The following PI4K2A variants were observed in gnomAD, a reference collection of about 807,000 sequenced individuals.
The protein encoded by PI4K2A is phosphatidylinositol 4-kinase type 2 alpha, also known as phosphatidylinositol 4-kinase type 2-alpha.
PI4K2A carries 20 observed loss-of-function variants against 55.0 expected under a neutral mutation model. The ratio of observed to expected loss-of-function variants is 0.36; its 90% CI spans 0.26 to 0.53. The LOEUF (loss-of-function observed/expected upper bound fraction) is 0.53. Among genes scored for constraint, PI4K2A ranks in the 20% least tolerant of loss-of-function variants. The pLI is 0.91. For synonymous variants in PI4K2A, 235 were observed against 258.5 expected, an observed-to-expected ratio of 0.91 and a Z score of 0.87; for missense variants, 463 against 637.1, an observed-to-expected ratio of 0.73 and a Z score of 2.94.
At chr10:97,644,207 C>T (rs534057258) in intron 1 of PI4K2A, among the ~76,000 whole-genome samples, 22 of 152,126 alleles carry the variant, frequency 1.4e-4, no homozygotes, top group African/African-American at 4.6e-4. Flanking sequence ...AAAAATTAGC[C>T]GAGCACTGTG....
chr10:97,673,666 G>T (rs770488656), exon 9 of PI4K2A: 17 of 1,613,488 alleles, frequency 1.1e-5, no homozygotes, highest in Non-Finnish European at 1.4e-5. Flanking sequence ...GAGACGGCCC[G>T]TTCCCACCAG....
chr10:97,664,858 A>G, intron 5 of PI4K2A, 27 bp from the exon 6 acceptor site: 1 of 1,518,430 alleles, frequency 6.6e-7, no homozygotes, highest in African/African-American at 1.4e-5. Flanking sequence ...GGGTTTCCTC[A>G]GTCATTAGTC....
intron 8 of PI4K2A, among the ~76,000 whole-genome samples, chr10:97,672,975 GT>G (rs1433207358): frequency 1.0e-4 from 15 of 147,252 alleles, no homozygotes; most frequent in African/African-American, 3.3e-4. Context: ...AGTGTTTTTT[GT>G]GTTTTTTTTT....
intron 4 of PI4K2A, among the ~76,000 whole-genome samples, chr10:97,661,879 G>A (rs965523652): frequency 6.8e-6 from 1 of 145,998 alleles, no homozygotes; most frequent in African/African-American, 2.6e-5. Flanking sequence ...TTGAGGCAGG[G>A]TCTCACTCTG....
intron 1 of PI4K2A, among the ~76,000 whole-genome samples, chr10:97,643,522 A>G (rs1036217266): frequency 9.2e-5 from 14 of 152,310 alleles, no homozygotes; most frequent in Middle Eastern, 6.8e-3. Context: ...ATCTCAGTAC[A>G]TAGGCCACAG....
intron 8 of PI4K2A, among the ~76,000 whole-genome samples, chr10:97,670,658 A>G (rs12776203): frequency 0.024 from 3,642 of 152,288 alleles, 68 homozygotes; most frequent in Non-Finnish European, 0.037. Flanking sequence ...TAAAAAAGAA[A>G]TTTGTTACCA....
At chr10:97,648,298 G>A (rs547403297) in intron 1 of PI4K2A, among the ~76,000 whole-genome samples, 1 of 151,984 alleles carries the variant, frequency 6.6e-6, no homozygotes, top group East Asian at 1.9e-4. Flanking sequence ...CTCCATGTTG[G>A]TCAGGCTGGT....
At chr10:97,646,325 C>T (rs1209293839) in intron 1 of PI4K2A, among the ~76,000 whole-genome samples, 2 of 151,920 alleles carry the variant, frequency 1.3e-5, no homozygotes, top group Non-Finnish European at 2.9e-5. Flanking sequence ...AGCAATTCTC[C>T]TGCTTCAGCC....
chr10:97,641,190 G>T lies in PI4K2A; in HGVS notation c.435+13G>T, dbSNP rs557722141. ...GGACCCTCAGGGGGTGAGTGCGGGGGTGGGGACCGCCGCCGCGGGCTGAGG... is the reference window on the plus strand; with the variant it reads ...GGACCCTCAGGGGGTGAGTGCGGGGTTGGGGACCGCCGCCGCGGGCTGAGG... On this transcript the variant is annotated intron_variant, in intron 1 of 8. Coordinates refer to ENST00000370631, the Ensembl canonical transcript of PI4K2A. 2.8e-5 allele frequency: 45 copies of T among 1,587,066 alleles called. No individual in the cohort carries two copies. The East Asian group carries it at 9.9e-4, about 35-fold the overall frequency.
chr10:97,673,537 A>G, intron 8 of PI4K2A, 44 bp from the exon 9 acceptor site: 1 of 1,563,522 alleles, frequency 6.4e-7, no homozygotes, highest in East Asian at 2.2e-5. Flanking sequence ...CAGATCTGGA[A>G]TGCTGAGGCC....
At chr10:97,664,575 A>G (rs1389660090) in intron 5 of PI4K2A, among the ~76,000 whole-genome samples, 1 of 152,142 alleles carries the variant, frequency 6.6e-6, no homozygotes, top group African/African-American at 2.4e-5. Context: ...TTCTTTCCCT[A>G]GGAGGAATGG....
At chr10:97,666,932 A>T (rs948866444) in intron 7 of PI4K2A, 129 bp from the exon 8 acceptor site, 33 of 690,858 alleles carry the variant, frequency 4.8e-5, no homozygotes, top group Admixed American at 6.9e-5. Flanking sequence ...TTGTGGGAGT[A>T]GTTGACTTCA....
chr10:97,649,646 A>C (rs1182348256), intron 1 of PI4K2A, among the ~76,000 whole-genome samples: 2 of 73,946 alleles, frequency 2.7e-5, no homozygotes, highest in African/African-American at 8.5e-5. Flanking sequence ...TTTTTGAGGC[A>C]GAGGCTTGGT....
chr10:97,661,756 T>C (rs1374668324), intron 4 of PI4K2A, among the ~76,000 whole-genome samples: 1 of 152,142 alleles, frequency 6.6e-6, no homozygotes, highest in African/African-American at 2.4e-5. Flanking sequence ...ATTTGCCCTA[T>C]AGAAGTTCCA....
chr10:97,640,956 G>A, exon 1 of PI4K2A: 1 of 1,500,254 alleles, frequency 6.7e-7, no homozygotes, highest in Non-Finnish European at 8.8e-7. Flanking sequence ...GGCGGCCCAG[G>A]GCCAGACCCA....
chr10:97,641,039 C>T, exon 1 of PI4K2A: 1 of 1,596,360 alleles, frequency 6.3e-7, no homozygotes, highest in Middle Eastern at 1.7e-4. Context: ...AGGCCCACCG[C>T]GAGCGGAACG....
intron 7 of PI4K2A, 55 bp downstream of exon 7, chr10:97,666,626 G>GT (rs1312828433): frequency 3.7e-5 from 56 of 1,499,502 alleles, no homozygotes; most frequent in Non-Finnish European, 5.0e-5. Flanking sequence ...ATTTTTAATG[G>GT]TTTTTTTAAT....
intron 1 of PI4K2A, among the ~76,000 whole-genome samples, chr10:97,643,664 A>G (rs2041490312): frequency 6.6e-6 from 1 of 152,192 alleles, no homozygotes; most frequent in Admixed American, 6.5e-5. Context: ...ACGTACTCAT[A>G]CTGCTTCCAG....
Position 97,656,099 on chromosome 10 carries a change from A to G in PI4K2A, c.637-186A>G, listed in dbSNP as rs1248724229. On this transcript the variant is annotated intron_variant, in intron 2 of 8. Coordinates refer to ENST00000370631, the Ensembl canonical transcript of PI4K2A. The surrounding 1 kb of genome is among the most constrained non-coding windows in gnomAD (Gnocchi z 4.5). ...AGTGTTGTACATACATAATTTTGTC[A>G]TTATTTCATTGGCCCAAACTAGTTA... is the stretch of plus-strand genomic sequence containing the variant. Among the ~76,000 whole-genome samples, 1 of 152,170 alleles carries G rather than the reference A, an allele frequency of 6.6e-6. No individual in the cohort carries two copies. Among genetic ancestry groups the G allele is most frequent in the African/African-American group, 2.4e-5 (1 of 41,448 alleles).
Sources: allele counts gnomAD v4.1 joint callset (sites outside exome capture counted in the v4.1 genomes callset), GRCh38; gene constraint gnomAD v4.1.1; non-coding constraint Gnocchi (gnomAD v3.1); transcripts MANE v1.5; gene names NCBI Gene and HGNC (gene_info 2026-07-23, HGNC 2026-07-21).